Variants in NME9 observed in about 807,000 individuals in gnomAD.
The protein encoded by NME9 is thioredoxin domain-containing protein 6.
NME9 carries 48 observed loss-of-function variants against 44.4 expected under a neutral mutation model. The ratio of observed to expected loss-of-function variants is 1.08; its 90% CI spans 0.86 to 1.37. The LOEUF is 1.37. NME9 is among the 40% of genes most tolerant of loss of function. NME9 has a pLI of 0.00. For synonymous variants in NME9, 139 were observed against 147.1 expected (o/e 0.94, Z 0.40); for missense variants, 325 against 405.2 (o/e 0.80, Z 1.70).
intron 8 of NME9, among the ~76,000 whole-genome samples, chr3:138,277,963 T>G (rs77941932): frequency 7.6e-4 from 115 of 152,268 alleles, no homozygotes; most frequent in African/African-American, 2.7e-3. Flanking sequence ...TGGATGAATC[T>G]CAAATGCATT....
At chr3:138,287,670 T>C in intron 8 of NME9, 1 of 456,684 alleles carries the variant, frequency 2.2e-6, no homozygotes, top group Middle Eastern at 3.3e-4. Context: ...GTGTTGGCAG[T>C]TAGAAGAAGA....
chr3:138,296,842 C>T (rs1044391848), downstream of NME9: 2 of 152,192 alleles, frequency 1.3e-5, no homozygotes, highest in Non-Finnish European at 2.9e-5. Context: ...GGACCAAGAG[C>T]CTCCCAATTG....
At position 138,329,601 on chromosome 3, in the gene NME9, C is replaced by G. The variant is rs1010183062; in HGVS notation, c.-266G>C. ...GTTTTCTGGGGATCTGCGAAGCCCC[C>G]TCCCCACCCCGGAGCCGGCCAGGGG... On this transcript the variant is annotated 5_prime_UTR_variant, in exon 1 of 11. Coordinates refer to ENST00000333911, the MANE Select transcript of NME9 (RefSeq NM_001349018.2). The G allele has an allele frequency of 5.3e-6, 7 of 1,319,748 alleles. No homozygotes were observed. The highest frequency in any genetic ancestry group is 1.5e-5 in the African/African-American group (1 of 65,420). 81.8% of individuals were successfully genotyped at this position (1,319,748 alleles called of 1,614,324 possible).
intron 8 of NME9, chr3:138,263,892 A>G (rs1576838998): frequency 7.6e-7 from 1 of 1,313,316 alleles, no homozygotes; most frequent in Non-Finnish European, 1.1e-6. Flanking sequence ...CTGGTCCTTC[A>G]CTGAGTAAAC....
At chr3:138,292,553 A>G (rs1354190091) in intron 8 of NME9, among the ~76,000 whole-genome samples, 1 of 152,194 alleles carries the variant, frequency 6.6e-6, no homozygotes, top group Non-Finnish European at 1.5e-5. Flanking sequence ...TCAGTACAGG[A>G]TGTTAAAGAG....
chr3:138,320,845 C>G (rs1490583596), intron 2 of NME9, among the ~76,000 whole-genome samples: 1 of 152,138 alleles, frequency 6.6e-6, no homozygotes. Context: ...GCAGGGATCA[C>G]TGGAGGAATC....
chr3:138,287,729 T>C (rs1371192845), intron 8 of NME9: 2 of 456,410 alleles, frequency 4.4e-6, no homozygotes, highest in Non-Finnish European at 8.8e-6. Flanking sequence ...CATCCATTTC[T>C]TTGTCTCTGC....
At position 138,329,754 on chromosome 3, in the gene NME9, C is replaced by A. The variant is rs760850766; in HGVS notation, c.-419G>T. The A allele has an allele frequency of 2.4e-5, 24 of 1,005,622 alleles. No homozygotes were observed. The highest frequency in any genetic ancestry group is 2.6e-5 in the Non-Finnish European group (22 of 843,226). 62.3% of individuals were successfully genotyped at this position (1,005,622 alleles called of 1,614,324 possible). On this transcript the variant is annotated 5_prime_UTR_variant, in exon 1 of 11. Transcript: ENST00000333911. Reference sequence around the variant, plus strand: ...TTATCCCTGCTGTTCTTATGGATTACTGGGAAAGTGAGCCACTGCGAACGA... The same window carrying A: ...TTATCCCTGCTGTTCTTATGGATTAATGGGAAAGTGAGCCACTGCGAACGA...
At chr3:138,290,355 G>A (rs2050820228) in intron 8 of NME9, among the ~76,000 whole-genome samples, 1 of 152,222 alleles carries the variant, frequency 6.6e-6, no homozygotes, top group East Asian at 1.9e-4. Context: ...AGGAGGCAGA[G>A]AGACGAGTTA....
At chr3:138,270,357 AGTGAACAGAT>A (rs1428955074) in intron 8 of NME9, among the ~76,000 whole-genome samples, 5 of 152,228 alleles carry the variant, frequency 3.3e-5, no homozygotes, top group Non-Finnish European at 5.9e-5. Flanking sequence ...TATTAAGAAA[AGTGAACAGAT>A]GTTGAAACTT....
intron 8 of NME9, among the ~76,000 whole-genome samples, chr3:138,295,231 C>G (rs1157358948): frequency 6.6e-6 from 1 of 152,094 alleles, no homozygotes; most frequent in Non-Finnish European, 1.5e-5. Flanking sequence ...ACCTGGCCAC[C>G]TTCTTCCCCC....
intron 7 of NME9, 71 bp downstream of exon 7, chr3:138,306,327 T>G: frequency 5.3e-6 from 6 of 1,142,740 alleles, no homozygotes; most frequent in Middle Eastern, 1.9e-4. Flanking sequence ...CACTGCCCAG[T>G]GCCCCATCCC....
chr3:138,309,109 G>A (rs1342241986), intron 6 of NME9, among the ~76,000 whole-genome samples: 1 of 151,960 alleles, frequency 6.6e-6, no homozygotes, highest in East Asian at 1.9e-4. Context: ...TGACCAACAG[G>A]GCAAAACCCT....
At chr3:138,318,585 C>G (rs1386293037) in intron 3 of NME9, among the ~76,000 whole-genome samples, 1 of 151,956 alleles carries the variant, frequency 6.6e-6, no homozygotes, top group Non-Finnish European at 1.5e-5. Context: ...AGAGATCCCC[C>G]ACGCAAGCCC....
At chr3:138,319,164 C>T (rs1158044199) in intron 3 of NME9, among the ~76,000 whole-genome samples, 4 of 152,130 alleles carry the variant, frequency 2.6e-5, no homozygotes, top group Non-Finnish European at 5.9e-5. Flanking sequence ...ACCACCACTG[C>T]ACTCCAGCCT....
intron 8 of NME9, chr3:138,289,094 C>T: frequency 6.2e-7 from 1 of 1,613,122 alleles, no homozygotes; most frequent in Non-Finnish European, 8.5e-7. Context: ...TTTTGTATAT[C>T]AAACCTCATA....
At chr3:138,274,437 A>G in intron 8 of NME9, 2 of 1,534,496 alleles carry the variant, frequency 1.3e-6, no homozygotes, top group South Asian at 1.1e-5. Flanking sequence ...TGGATTTCCC[A>G]TTGTTTTACA....
In NME9 at chr3:138,304,909, CG is replaced by C; in HGVS notation, c.754del (p.Arg252ValfsTer47). 2 of 1,614,120 alleles carry C rather than the reference CG, an allele frequency of 1.2e-6. No homozygotes were observed. The highest frequency in any genetic ancestry group is 1.7e-6 in the Non-Finnish European group (2 of 1,180,008). ...VTTWRTVMGP[R>X]DPNVARREQP... Reference sequence around the variant, plus strand: ...CTCCCTCCTGGCCACATTGGGGTCACGGGGGCCCATGACGGTTCGCCAGGTA... The same window carrying C: ...CTCCCTCCTGGCCACATTGGGGTCACGGGGCCCATGACGGTTCGCCAGGTA... On this transcript the variant is annotated frameshift_variant, in exon 9 of 11. Coordinates refer to ENST00000333911, the MANE Select transcript of NME9 (RefSeq NM_001349018.2). LOFTEE classifies it high-confidence loss of function.
intron 8 of NME9, among the ~76,000 whole-genome samples, chr3:138,288,367 C>T (rs566490616): frequency 9.9e-5 from 15 of 152,282 alleles, no homozygotes; most frequent in African/African-American, 2.9e-4. Flanking sequence ...TAGCCTAAGT[C>T]GAAAGCATAG....
Sources: allele counts gnomAD v4.1 joint callset (sites outside exome capture counted in the v4.1 genomes callset), GRCh38; gene constraint gnomAD v4.1.1; transcripts MANE v1.5; gene names NCBI Gene and HGNC (gene_info 2026-07-23, HGNC 2026-07-21).